DLGAP1: variants seen among roughly 807,000 people sequenced by gnomAD.
DLGAP1 encodes DLG associated protein 1, also known as disks large-associated protein 1.
In DLGAP1, 11 loss-of-function variants were observed where a neutral mutation model predicts 90.8. The observed-to-expected ratio is 0.12, with a 90% CI of 0.08 to 0.20. DLGAP1 has a LOEUF of 0.20. Among genes scored for constraint, DLGAP1 ranks in the 10% least tolerant of loss-of-function variants. DLGAP1 has a pLI of 1.00. For missense variants in DLGAP1, 1,050 were observed against 1,333.8 expected (o/e 0.79, Z 3.31); for synonymous variants, 558 against 540.7 (o/e 1.03, Z -0.44).
At chr18:3,753,844 A>G (rs1220670477) in intron 5 of DLGAP1, among the ~76,000 whole-genome samples, 1 of 152,114 alleles carries the variant, frequency 6.6e-6, no homozygotes, top group Non-Finnish European at 1.5e-5. Flanking sequence ...TTCACAGTGA[A>G]CCCAAGGAAG....
chr18:4,254,035 C>G (rs962764408), intron 1 of DLGAP1, among the ~76,000 whole-genome samples: 3 of 152,140 alleles, frequency 2.0e-5, no homozygotes, highest in Non-Finnish European at 2.9e-5. Flanking sequence ...TCCACATAAC[C>G]CATGATGCAC....
At chr18:3,884,578 A>T (rs928085905) in intron 3 of DLGAP1, among the ~76,000 whole-genome samples, 11 of 152,210 alleles carry the variant, frequency 7.2e-5, no homozygotes, top group Admixed American at 2.0e-4. Flanking sequence ...TCCATGCAAG[A>T]TGACGTTACC....
intron 1 of DLGAP1, among the ~76,000 whole-genome samples, chr18:4,442,467 T>A (rs1205928699): frequency 2.6e-5 from 4 of 152,192 alleles, no homozygotes; most frequent in Non-Finnish European, 5.9e-5. Flanking sequence ...ATGCTACAAT[T>A]AATAACCTAG....
At position 4,378,176 on chromosome 18, in the gene DLGAP1, A is replaced by G. The variant is rs529902308; in HGVS notation, c.-267+76830T>C. Among the ~76,000 whole-genome samples, 18 of 150,776 alleles carry G rather than the reference A, an allele frequency of 1.2e-4. No homozygotes were observed. The highest frequency in any genetic ancestry group is 3.5e-3 in the Middle Eastern group (1 of 282). On this transcript the variant is annotated intron_variant, in intron 1 of 12. Coordinates refer to ENST00000315677, the MANE Select transcript of DLGAP1 (RefSeq NM_004746.4). This position sits in a 1 kb window ranked among gnomAD's most constrained non-coding sequence, Gnocchi z 4.5. Reference sequence around the variant, plus strand: ...AAAAAAGTCTGCAAAGATACTACAAACTATGGTTATCTATACGGAAGACTA... The same window carrying G: ...AAAAAAGTCTGCAAAGATACTACAAGCTATGGTTATCTATACGGAAGACTA...
At chr18:4,213,887 C>T (rs1449220107) in intron 1 of DLGAP1, among the ~76,000 whole-genome samples, 5 of 152,024 alleles carry the variant, frequency 3.3e-5, no homozygotes, top group African/African-American at 1.2e-4. Context: ...CAGGAGCCAG[C>T]GGTAAAGAAA....
rs530019249 is a variant in DLGAP1 at position 3,659,626 on chromosome 18, T to C, written c.1591+69509A>G. ...TGTCGCCCAGGCTGGAGTGCAGTGGTGCAATCTCGGCTCACTGCAACCTCC... is the reference window on the plus strand; with the variant it reads ...TGTCGCCCAGGCTGGAGTGCAGTGGCGCAATCTCGGCTCACTGCAACCTCC... On this transcript the variant is annotated intron_variant, in intron 7 of 12. Coordinates refer to ENST00000315677, the MANE Select transcript of DLGAP1 (RefSeq NM_004746.4). Among the ~76,000 whole-genome samples the C allele has an allele frequency of 1.4e-3, 219 of 151,802 alleles. 1 individual carries two copies. Among genetic ancestry groups the C allele is most frequent in the Non-Finnish European group, 2.3e-3 (158 of 67,920 alleles).
chr18:3,648,722 A>G (rs1599716190), intron 7 of DLGAP1, among the ~76,000 whole-genome samples: 2 of 152,244 alleles, frequency 1.3e-5, no homozygotes, highest in African/African-American at 2.4e-5. Flanking sequence ...TTTTGTTTAC[A>G]TTGAAAACTT....
intron 4 of DLGAP1, among the ~76,000 whole-genome samples, chr18:3,833,104 T>A (rs907734737): frequency 2.0e-5 from 3 of 151,886 alleles, no homozygotes; most frequent in African/African-American, 7.3e-5. Context: ...ATTTTCTTTT[T>A]TCTTTAATTT....
chr18:4,398,731 C>G, intron 1 of DLGAP1, among the ~76,000 whole-genome samples: 1 of 152,148 alleles, frequency 6.6e-6, no homozygotes. Flanking sequence ...TCTATGTGTC[C>G]ATTAAGCCAG....
chr18:3,795,042 TA>T (rs1394333541), intron 5 of DLGAP1, among the ~76,000 whole-genome samples: 4 of 152,218 alleles, frequency 2.6e-5, no homozygotes, highest in African/African-American at 9.6e-5. Flanking sequence ...AGGGAGAATG[TA>T]ACTGAAGCCA....
At chr18:3,720,045 G>A (rs1350651041) in intron 7 of DLGAP1, among the ~76,000 whole-genome samples, 2 of 152,166 alleles carry the variant, frequency 1.3e-5, no homozygotes, top group Non-Finnish European at 2.9e-5. Flanking sequence ...GATACTTCTT[G>A]TCAGACATAC....
chr18:4,446,732 T>C (rs751912275), intron 1 of DLGAP1, among the ~76,000 whole-genome samples: 1 of 152,144 alleles, frequency 6.6e-6, no homozygotes, highest in Non-Finnish European at 1.5e-5. Flanking sequence ...TCCAGAGACA[T>C]CATAAAAATG....
chr18:4,434,676 G>C (rs571239400), intron 1 of DLGAP1, among the ~76,000 whole-genome samples: 1 of 152,272 alleles, frequency 6.6e-6, no homozygotes, highest in South Asian at 2.1e-4. Context: ...AATCAGCAGG[G>C]TGACAAAATG....
chr18:3,827,364 G>A (rs1451732220), intron 4 of DLGAP1, among the ~76,000 whole-genome samples: 1 of 152,194 alleles, frequency 6.6e-6, no homozygotes. Context: ...CAAAGGGTGT[G>A]TTGTCGGTCC....
intron 9 of DLGAP1, among the ~76,000 whole-genome samples, chr18:3,554,461 A>G (rs1199665432): frequency 6.6e-6 from 1 of 152,220 alleles, no homozygotes; most frequent in Non-Finnish European, 1.5e-5. Flanking sequence ...CGACATACGC[A>G]TTCATTATCC....
chr18:4,110,902 CCAA>C (rs1438424089), intron 2 of DLGAP1, among the ~76,000 whole-genome samples: 1 of 152,184 alleles, frequency 6.6e-6, no homozygotes, highest in East Asian at 1.9e-4. Flanking sequence ...GCCTCACTGG[CCAA>C]CAGCACCATG....
intron 1 of DLGAP1, among the ~76,000 whole-genome samples, chr18:4,345,075 A>C (rs2081278170): frequency 6.6e-6 from 1 of 152,068 alleles, no homozygotes; most frequent in South Asian, 2.1e-4. Context: ...CCTTTGGATG[A>C]CCTTTATTTC....
In DLGAP1 at chr18:3,502,590, A is replaced by G; in HGVS notation, c.2627T>C (p.Met876Thr). The change falls in exon 12 of 13, where the codon ATG becomes ACG. Residue 876 changes from methionine (M) to threonine (T), a missense_variant. Transcript: ENST00000315677. Reference protein sequence around the residue: ...TSQDLAGFWDMLQLSIENISM... With the variant: ...TSQDLAGFWDTLQLSIENISM... ...AATATTTTCTATGGACAACTGCAGC[A>G]TGTCCCAAAACCCCGCCAAATCCTG... 1 of 1,614,136 alleles carries G rather than the reference A, an allele frequency of 6.2e-7. No individual in the cohort carries two copies. Among genetic ancestry groups the G allele is most frequent in the Non-Finnish European group, 8.5e-7 (1 of 1,179,996 alleles).
At chr18:3,626,315 C>G (rs1295913524) in intron 7 of DLGAP1, among the ~76,000 whole-genome samples, 1 of 147,934 alleles carries the variant, frequency 6.8e-6, no homozygotes, top group Non-Finnish European at 1.5e-5. Flanking sequence ...AAAAAAAGAT[C>G]AGGAATGGCG....
Sources: allele counts gnomAD v4.1 joint callset (sites outside exome capture counted in the v4.1 genomes callset), GRCh38; gene constraint gnomAD v4.1.1; non-coding constraint Gnocchi (gnomAD v3.1); transcripts MANE v1.5; gene names NCBI Gene and HGNC (gene_info 2026-07-23, HGNC 2026-07-21).